Variants in PSG7 observed in about 807,000 individuals in gnomAD.
The protein encoded by PSG7 is pregnancy-specific beta-1-glycoprotein 7.
A neutral mutation model predicts 45.6 loss-of-function variants in PSG7; 57 were observed. That is an observed-to-expected ratio of 1.25 (90% CI 1.01 to 1.56). The LOEUF (loss-of-function observed/expected upper bound fraction) is 1.56. Among genes scored for constraint, PSG7 ranks in the 40% most tolerant of loss-of-function variants. PSG7 has a pLI of 0.00. For synonymous variants in PSG7, 298 were observed against 194.4 expected (o/e 1.53, Z -4.43); for missense variants, 796 against 508.4 (o/e 1.57, Z -5.44).
chr19:42,926,333 C>T (rs537936242), intron 4 of PSG7, 105 bp downstream of exon 4: 5 of 1,561,788 alleles, frequency 3.2e-6, no homozygotes, highest in Non-Finnish European at 3.5e-6. Context: ...GTAAATATGT[C>T]TATACTTGGA....
At chr19:42,933,307 A>ATATTTTTTTTT (rs56691588) in intron 2 of PSG7, among the ~76,000 whole-genome samples, 1 of 13,504 alleles carries the variant, frequency 7.4e-5, no homozygotes, top group African/African-American at 1.7e-4. Flanking sequence ...ATATATATAT[A>ATATTTTTTTTT]TTTTTTTTTT....
Position 42,925,755 on chromosome 19 carries a change from A to G in PSG7, c.1243+18T>C, listed in dbSNP as rs141117526. 1.7e-4 allele frequency: 272 copies of G among 1,611,828 alleles called. 7 individuals are homozygous for G. In the East Asian group the frequency reaches 5.9e-3, roughly 35 times the overall value. On this transcript the variant is annotated intron_variant, in intron 5 of 5. Transcript: ENST00000406070. ...TGCACCTAAAACCCTATTGCCAAGG[A>G]TGCTGGGATCCACTTACCAGAGACT...
At chr19:42,936,846 A>G (rs1466493665) in intron 1 of PSG7, among the ~76,000 whole-genome samples, 167 bp downstream of exon 1, 2 of 151,232 alleles carry the variant, frequency 1.3e-5, no homozygotes, top group Non-Finnish European at 2.9e-5. Context: ...ACAGGGCTAC[A>G]TTGTGTTGGC....
At chr19:42,936,597 G>T in intron 1 of PSG7, 1 of 181,314 alleles carries the variant, frequency 5.5e-6, no homozygotes, top group Non-Finnish European at 1.1e-5. Flanking sequence ...CCTCTCTGGT[G>T]TATTTTCCCC....
chr19:42,937,142 C>G lies in PSG7; in HGVS notation c.-66G>C, dbSNP rs374924950. ...CTAGGATCCAGAATCTTCCTGAGCA[C>G]GGCTGTCAGCTGTGCTGTCCTTCCT... On this transcript the variant is annotated 5_prime_UTR_variant, in exon 1 of 6. Coordinates refer to ENST00000406070, the MANE Select transcript of PSG7 (RefSeq NM_002783.3). The G allele has an allele frequency of 4.0e-5, 63 of 1,575,122 alleles. 3 individuals are homozygous for G. The highest frequency in any genetic ancestry group is 1.4e-4 in the East Asian group (6 of 44,194).
At chr19:42,934,511 G>A (rs967790814) in intron 2 of PSG7, among the ~76,000 whole-genome samples, 2 of 151,658 alleles carry the variant, frequency 1.3e-5, no homozygotes, top group East Asian at 1.9e-4. Flanking sequence ...AATCAAATAA[G>A]CTAAATGGCA....
intron 2 of PSG7, among the ~76,000 whole-genome samples, chr19:42,931,416 A>T (rs1227150802): frequency 6.6e-6 from 1 of 151,582 alleles, no homozygotes; most frequent in Admixed American, 6.6e-5. Flanking sequence ...CATCAATTAC[A>T]TAAAGAGAGG....
In PSG7 at chr19:42,925,801, G is replaced by C. The variant is rs367788662; in HGVS notation, c.1215C>G (p.Ser405Arg). 1 of 1,612,102 alleles carries C rather than the reference G, an allele frequency of 6.2e-7. No homozygotes were observed. The highest frequency in any genetic ancestry group is 1.1e-5 in the South Asian group (1 of 90,626). Reference sequence around the variant, plus strand: ...AGACTCTGACTGTCACGGATTTGGAGCTTTCCTTGCCAGTGGCTGAGTTAC... The same window carrying C: ...AGACTCTGACTGTCACGGATTTGGACCTTTCCTTGCCAGTGGCTGAGTTAC... Reference protein sequence around the residue: ...SVRNSATGKESSKSVTVRVSD... With the variant: ...SVRNSATGKERSKSVTVRVSD... Residue 405 changes from serine to arginine, a missense_variant, in exon 5 of 6, where the codon AGC becomes AGG. Physicochemically the swap from Ser to Arg is moderately radical, Grantham distance 110. Transcript: ENST00000406070.
chr19:42,926,879 G>A (rs1972905944), intron 3 of PSG7, 163 bp from the exon 4 acceptor site: 2 of 1,336,962 alleles, frequency 1.5e-6, no homozygotes, highest in Non-Finnish European at 2.0e-6. Flanking sequence ...TGATCTAAGG[G>A]CTCAAAGACT....
At chr19:42,926,978 T>C in intron 3 of PSG7, 1 of 652,890 alleles carries the variant, frequency 1.5e-6, no homozygotes, top group Non-Finnish European at 2.4e-6. Context: ...GACATGTCAG[T>C]GGGAGTCACA....
At position 42,929,683 on chromosome 19, in the gene PSG7, G is replaced by A. The variant is rs370262546; in HGVS notation, c.468C>T (p.Phe156=). ...TPKPSISSSN[F]NPREATEAVI... is the part of the protein sequence containing the mutation. Reference sequence around the variant, plus strand: ...CAGCCTCCGTGGCCTCCCTGGGGTTGAAATTGCTGCTGGAGATGGAGGGTT... The same window carrying A: ...CAGCCTCCGTGGCCTCCCTGGGGTTAAAATTGCTGCTGGAGATGGAGGGTT... Residue 156 remains phenylalanine (F), a synonymous_variant, in exon 3 of 6, where the codon TTC becomes TTT. Transcript: ENST00000406070. 2.5e-6 allele frequency: 4 copies of A among 1,612,274 alleles called. No individual in the cohort carries two copies. Among genetic ancestry groups the A allele is most frequent in the Admixed American group, 3.3e-5 (2 of 59,886 alleles).
At chr19:42,924,923 G>A (rs1972493298) in intron 5 of PSG7, 99 bp from the exon 6 acceptor site, 3 of 745,638 alleles carry the variant, frequency 4.0e-6, no homozygotes, top group Admixed American at 3.6e-5. Flanking sequence ...TCTCTCTATG[G>A]GCATCTCTAG....
intron 2 of PSG7, among the ~76,000 whole-genome samples, chr19:42,935,122 G>C (rs1416055759): frequency 5.9e-5 from 9 of 151,794 alleles, no homozygotes; most frequent in African/African-American, 1.9e-4. Flanking sequence ...TTATGAAGAG[G>C]GCATGAGGTG....
chr19:42,929,589 G>A lies in PSG7; in HGVS notation c.562C>T (p.Pro188Ser), dbSNP rs1972971306. The change falls in exon 3 of 6, where the codon CCT (proline) becomes TCT (serine). Residue 188 changes from proline to serine, a missense_variant. Transcript: ENST00000406070. The stretch of plus-strand genomic sequence containing the variant: ...GACAGCTGCAAGCTGTGAGTCATAG[G>A]GAGGCTCTGACCATTCATCCACCAC... ...YLWWMNGQSLPMTHSLQLSET... is the reference protein window; with the variant it reads ...YLWWMNGQSLSMTHSLQLSET... 2 of 1,612,606 alleles carry A rather than the reference G, an allele frequency of 1.2e-6. No homozygotes were observed. Among genetic ancestry groups the A allele is most frequent in the Non-Finnish European group, 1.7e-6 (2 of 1,179,256 alleles).
chr19:42,932,878 A>G (rs193044062), intron 2 of PSG7, among the ~76,000 whole-genome samples: 4 of 151,478 alleles, frequency 2.6e-5, no homozygotes, highest in East Asian at 3.9e-4. Flanking sequence ...ATTTGGCAAG[A>G]GTTTACAAAA....
In PSG7 at chr19:42,926,038, G is replaced by C; in HGVS notation, c.989-11C>G. 6.2e-7 allele frequency: 1 copy of C among 1,610,668 alleles called. No individual in the cohort carries two copies. On this transcript the variant is annotated splice_polypyrimidine_tract_variant and intron_variant, in intron 4 of 5. Coordinates refer to ENST00000406070, the MANE Select transcript of PSG7 (RefSeq NM_002783.3). ...GGAGGTCTGGACCATCTGGAGGAAA[G>C]AGAATAAAGCCACAGGTGATGTTAT...
At chr19:42,935,049 G>T (rs1280959482) in intron 2 of PSG7, among the ~76,000 whole-genome samples, 1 of 150,714 alleles carries the variant, frequency 6.6e-6, no homozygotes, top group Admixed American at 6.6e-5. Context: ...TTCTCTGAGG[G>T]TCTCAGGGGG....
In PSG7 at chr19:42,935,782, G is replaced by T. The variant is rs376314337; in HGVS notation, c.65-13C>A. The T allele has an allele frequency of 5.0e-6, 8 of 1,603,194 alleles. No individual in the cohort carries two copies. In the African/African-American group the frequency reaches 8.1e-5, roughly 16 times the overall value. On this transcript the variant is annotated splice_polypyrimidine_tract_variant and intron_variant, in intron 1 of 5. Coordinates refer to ENST00000406070, the MANE Select transcript of PSG7 (RefSeq NM_002783.3). The stretch of plus-strand genomic sequence containing the variant: ...TTTAAAAGTGATGCTAGGAGGTGGA[G>T]AGAGCATCAGTCAATATTGAGACCT...
rs768499882 is a variant in PSG7, at chr19:42,926,675, G to A, written c.751C>T (p.Pro251Ser). 3 of 1,610,266 alleles carry A rather than the reference G, an allele frequency of 1.9e-6. No homozygotes were observed. In the Admixed American group the frequency reaches 5.0e-5, roughly 27 times the overall value. The change falls in exon 4 of 6, where the codon CCC becomes TCC. Residue 251 changes from proline to serine, a missense_variant. Physicochemically the swap from Pro to Ser is moderately conservative, Grantham distance 74. Coordinates refer to ENST00000406070, the MANE Select transcript of PSG7 (RefSeq NM_002783.3). ...GTTGAGACATCCTTATTCTCCCTGG[G>A]GTTTAAGTTATTGATGGTGATGTAG... ...KPYITINNLN[P>S]RENKDVSTFT...
Sources: allele counts gnomAD v4.1 joint callset (sites outside exome capture counted in the v4.1 genomes callset), GRCh38; gene constraint gnomAD v4.1.1; transcripts MANE v1.5; gene names NCBI Gene and HGNC (gene_info 2026-07-23, HGNC 2026-07-21).